Variants in FLRT2 observed in about 807,000 individuals in gnomAD.
FLRT2 encodes fibronectin leucine rich transmembrane protein 2.
A neutral mutation model predicts 40.0 loss-of-function variants in FLRT2; 15 were observed. That is an observed-to-expected ratio of 0.38 (90% CI 0.25 to 0.58). FLRT2 has a LOEUF of 0.58. FLRT2 is among the 20% of genes least tolerant of loss of function. The pLI is 0.71. For missense variants in FLRT2, 726 were observed against 840.0 expected (o/e 0.86, Z 1.68); for synonymous variants, 380 against 336.8 (o/e 1.13, Z -1.41).
intron 1 of FLRT2, among the ~76,000 whole-genome samples, chr14:85,592,788 T>TAAAA (rs767076412): frequency 1.1e-4 from 1 of 9,406 alleles, no homozygotes; most frequent in African/African-American, 6.4e-4. Context: ...AAACTCCGTC[T>TAAAA]CAAAAAAAAA....
At chr14:85,543,870 TTTGA>T (rs1375293928) in intron 1 of FLRT2, among the ~76,000 whole-genome samples, 2 of 152,220 alleles carry the variant, frequency 1.3e-5, no homozygotes, top group Non-Finnish European at 2.9e-5. Context: ...TTGTTTGAAC[TTTGA>T]TTGGTTCTCT....
intron 1 of FLRT2, among the ~76,000 whole-genome samples, chr14:85,598,710 T>A (rs1216730052): frequency 6.6e-6 from 1 of 152,156 alleles, no homozygotes; most frequent in Non-Finnish European, 1.5e-5. Context: ...GTTACGGTTT[T>A]AATATGCAAT....
intron 1 of FLRT2, among the ~76,000 whole-genome samples, chr14:85,593,170 G>A (rs550646755): frequency 8.1e-4 from 124 of 152,248 alleles, no homozygotes; most frequent in South Asian, 1.7e-3. Context: ...AAGAGAAAAG[G>A]AAACAGACAT....
chr14:85,550,975 C>A (rs1889587803), intron 1 of FLRT2, among the ~76,000 whole-genome samples: 1 of 152,110 alleles, frequency 6.6e-6, no homozygotes, highest in African/African-American at 2.4e-5. Context: ...ATTACCCTAT[C>A]CTCCTCCATG....
chr14:85,608,528 C>A (rs2139347093), intron 1 of FLRT2, among the ~76,000 whole-genome samples: 1 of 152,172 alleles, frequency 6.6e-6, no homozygotes, highest in East Asian at 1.9e-4. Flanking sequence ...GCCACCTTGC[C>A]CAGCTGATAA....
chr14:85,554,573 A>G (rs1183386702), intron 1 of FLRT2, among the ~76,000 whole-genome samples: 1 of 152,196 alleles, frequency 6.6e-6, no homozygotes, highest in Non-Finnish European at 1.5e-5. Context: ...TTGCTTAGAA[A>G]TTCAGCTCAC....
chr14:85,568,033 C>T (rs1036814735), intron 1 of FLRT2, among the ~76,000 whole-genome samples: 4 of 152,048 alleles, frequency 2.6e-5, no homozygotes, highest in Non-Finnish European at 5.9e-5. Context: ...TTACAGAAGG[C>T]CTGTAGAGTA....
intron 1 of FLRT2, among the ~76,000 whole-genome samples, chr14:85,592,959 T>C (rs1451285261): frequency 6.6e-6 from 1 of 152,132 alleles, no homozygotes; most frequent in East Asian, 1.9e-4. Flanking sequence ...TATAATATTT[T>C]CAAATTACAT....
chr14:85,550,106 G>C (rs1403865084), intron 1 of FLRT2, among the ~76,000 whole-genome samples: 1 of 152,094 alleles, frequency 6.6e-6, no homozygotes, highest in Non-Finnish European at 1.5e-5. Context: ...TGGATTATTG[G>C]AAGGGAATTA....
intron 1 of FLRT2, among the ~76,000 whole-genome samples, chr14:85,590,641 C>T (rs1054488801): frequency 6.6e-6 from 1 of 151,860 alleles, no homozygotes; most frequent in Non-Finnish European, 1.5e-5. Flanking sequence ...GCTCTTTCGC[C>T]CAGGCTGGAG....
At chr14:85,541,306 A>G (rs17121211) in intron 1 of FLRT2, among the ~76,000 whole-genome samples, 41,085 of 152,058 alleles carry the variant, frequency 0.27, 6,678 homozygotes, top group Middle Eastern at 0.42. Flanking sequence ...AACTGGGCAT[A>G]GAGTAAGATG....
intron 1 of FLRT2, among the ~76,000 whole-genome samples, chr14:85,563,403 G>C (rs945766040): frequency 6.6e-6 from 1 of 152,152 alleles, no homozygotes; most frequent in Admixed American, 6.6e-5. Context: ...ACCTGAAACT[G>C]GGTAATTTAT....
At position 85,621,379 on chromosome 14, in the gene FLRT2, A is replaced by G; in HGVS notation, c.-136A>G. 1 of 724,992 alleles carries G rather than the reference A, an allele frequency of 1.4e-6. No individual in the cohort carries two copies. Among genetic ancestry groups the G allele is most frequent in the Non-Finnish European group, 2.2e-6 (1 of 451,870 alleles). 44.9% of individuals were successfully genotyped at this position (724,992 alleles called of 1,614,324 possible). On this transcript the variant is annotated 5_prime_UTR_variant, in exon 2 of 2. In the 5' UTR this introduces an upstream ATG that the reference lacks. Transcript: ENST00000330753. ...GACAGCAGGGAGATTATTTTACCATACGCCCTCAGGACGTTCCCTCTAGCT... is the reference window on the plus strand; with the variant it reads ...GACAGCAGGGAGATTATTTTACCATGCGCCCTCAGGACGTTCCCTCTAGCT...
chr14:85,569,448 G>C (rs1008482508), intron 1 of FLRT2, among the ~76,000 whole-genome samples: 2 of 152,172 alleles, frequency 1.3e-5, no homozygotes, highest in African/African-American at 2.4e-5. Flanking sequence ...GACCAGGACA[G>C]GGCAAGGACA....
chr14:85,574,763 A>G (rs1312111041), intron 1 of FLRT2, among the ~76,000 whole-genome samples: 1 of 152,132 alleles, frequency 6.6e-6, no homozygotes, highest in Non-Finnish European at 1.5e-5. Flanking sequence ...CTTCTCCTAA[A>G]CTGCAGAGTA....
At chr14:85,561,459 G>A (rs143583656) in intron 1 of FLRT2, among the ~76,000 whole-genome samples, 3 of 152,286 alleles carry the variant, frequency 2.0e-5, no homozygotes, top group African/African-American at 4.8e-5. Context: ...ATTTTATTCT[G>A]CATTTCTTTG....
In FLRT2 at chr14:85,641,047, G is replaced by A. The variant is rs1894137629; in HGVS notation, c.*17550G>A. ...AGTGCATTTCTCCATAATGTGGGTG[G>A]CAATTATTCTAATCCCTTCCACAAA... On this transcript the variant is annotated 3_prime_UTR_variant, in exon 2 of 2. Coordinates refer to ENST00000330753, the MANE Select transcript of FLRT2 (RefSeq NM_013231.6). 1 of 152,116 alleles carries A rather than the reference G, an allele frequency of 6.6e-6. No individual in the cohort carries two copies. Among genetic ancestry groups the A allele is most frequent in the South Asian group, 2.1e-4 (1 of 4,830 alleles). 9.4% of individuals were successfully genotyped at this position (152,116 alleles called of 1,614,324 possible).
intron 1 of FLRT2, among the ~76,000 whole-genome samples, chr14:85,591,773 G>A (rs1036166545): frequency 1.3e-5 from 2 of 152,152 alleles, no homozygotes; most frequent in South Asian, 2.1e-4. Flanking sequence ...TAGGGCGGTA[G>A]GCAACTAAAT....
chr14:85,568,424 T>A (rs1006758581), intron 1 of FLRT2, among the ~76,000 whole-genome samples: 40 of 152,320 alleles, frequency 2.6e-4, no homozygotes, highest in African/African-American at 9.1e-4. Context: ...TGTAAGGCGT[T>A]AATACCAAGT....
Sources: gnomAD v4.1 joint callset for allele counts (sites outside exome capture counted in the v4.1 genomes callset) on GRCh38, gnomAD v4.1.1 for gene constraint, MANE v1.5 for transcripts, NCBI Gene and HGNC (gene_info 2026-07-23, HGNC 2026-07-21) for gene names.